Variants in KPTN observed in about 807,000 individuals in gnomAD.
KPTN encodes the protein kaptin, actin binding protein, also known as KICSTOR complex protein kaptin.
Under a neutral mutation model 52.6 loss-of-function variants are expected in KPTN, and 36 were observed. The observed-to-expected ratio is 0.68, with a 90% CI of 0.52 to 0.90. The LOEUF is 0.90. Ranked by LOEUF, KPTN falls within the 40% of genes least tolerant of loss-of-function variation. The pLI, the probability that KPTN is intolerant of heterozygous loss-of-function variation, is 0.00. For missense variants in KPTN, 529 were observed against 576.2 expected (o/e 0.92, Z 0.84); for synonymous variants, 271 against 248.4 (o/e 1.09, Z -0.85).
chr19:47,481,103 T>G, intron 4 of KPTN, 70 bp from the exon 5 acceptor site: 1 of 1,258,052 alleles, frequency 7.9e-7, no homozygotes, highest in Non-Finnish European at 1.1e-6. Flanking sequence ...ACTCTCCTCT[T>G]GCAAAAACCC....
In KPTN at chr19:47,476,687, G is replaced by A. The variant is rs1047204585; in HGVS notation, c.1027C>T (p.Pro343Ser). ...TGGGCCTCAGGAAGCCCCGACTCTG[G>A]GCCCCGGTACTTATAACACAGCAGT... ...QELLCYKYRG[P>S]ESGLPEAQHG... The change falls in exon 11 of 12, where the codon CCA (proline) becomes TCA (serine). Residue 343 changes from proline to serine, a missense_variant. Physicochemically the swap from Pro to Ser is moderately conservative, Grantham distance 74. Coordinates refer to ENST00000338134, the MANE Select transcript of KPTN (RefSeq NM_007059.4). The A allele has an allele frequency of 1.2e-6, 2 of 1,612,536 alleles. No individual in the cohort carries two copies. The highest frequency in any genetic ancestry group is 1.7e-6 in the Non-Finnish European group (2 of 1,179,524).
chr19:47,480,698 C>T (rs1439665219), intron 6 of KPTN, 62 bp downstream of exon 6: 14 of 1,484,898 alleles, frequency 9.4e-6, no homozygotes, highest in Admixed American at 1.7e-5. Flanking sequence ...AAGGTCTCAC[C>T]GCCCGATTTC....
At chr19:47,476,454 T>A in intron 11 of KPTN, 78 bp downstream of exon 11, 1 of 1,183,274 alleles carries the variant, frequency 8.5e-7, no homozygotes, top group Non-Finnish European at 1.1e-6. Flanking sequence ...AGTTCCTCCC[T>A]CCCCCAGGAG....
chr19:47,483,744 T>C lies in KPTN; in HGVS notation c.227-160A>G, dbSNP rs114467706. 26 of 926,840 alleles carry C rather than the reference T, an allele frequency of 2.8e-5. No homozygotes were observed. The African/African-American group carries it at 4.2e-4, about 15-fold the overall frequency. The allele number at this position is 926,840 out of a possible 1,614,324, so 57.4% of individuals were successfully genotyped here. Reference sequence around the variant, plus strand: ...CCTGGGTACTAGGGATCCTGACCTGTAAGTCTGAAGAATCCTGAAACCCTA... The same window carrying C: ...CCTGGGTACTAGGGATCCTGACCTGCAAGTCTGAAGAATCCTGAAACCCTA... On this transcript the variant is annotated intron_variant, in intron 1 of 11. Coordinates refer to ENST00000338134, the MANE Select transcript of KPTN (RefSeq NM_007059.4).
chr19:47,480,209 C>T, intron 7 of KPTN, 89 bp downstream of exon 7: 1 of 590,928 alleles, frequency 1.7e-6, no homozygotes, highest in Non-Finnish European at 2.8e-6. Context: ...TCCTCCCCTA[C>T]CCCACCCAGC....
upstream of KPTN, chr19:47,484,461 G>T (rs1381233293): frequency 2.1e-6 from 1 of 479,920 alleles, no homozygotes. Context: ...GCTGTATGCT[G>T]TGTGGAAGGT....
Position 47,476,759 on chromosome 19 carries a change from G to A in KPTN, c.999+44C>T, listed in dbSNP as rs1481884714. Reference sequence around the variant, plus strand: ...GGTCACACAGGTTGATGGGGGGACAGTGGAGGGAGGCCGGTGGGTGTGGCT... The same window carrying A: ...GGTCACACAGGTTGATGGGGGGACAATGGAGGGAGGCCGGTGGGTGTGGCT... On this transcript the variant is annotated intron_variant, in intron 10 of 11. Coordinates refer to ENST00000338134, the MANE Select transcript of KPTN (RefSeq NM_007059.4). 1.9e-6 allele frequency: 3 copies of A among 1,603,934 alleles called. No individual in the cohort carries two copies. The East Asian group carries it at 6.8e-5, about 36-fold the overall frequency.
rs749166953 is a variant in KPTN, at chr19:47,475,373, C to A, written c.*43G>T. 2.5e-6 allele frequency: 4 copies of A among 1,600,254 alleles called. No homozygotes were observed. The highest frequency in any genetic ancestry group is 3.4e-6 in the Non-Finnish European group (4 of 1,171,924). ...CCACCAGCGGCTGGAGGTGAGCACGCCATGAGTCGCCCCAGGTCTGGGAAG... is the reference window on the plus strand; with the variant it reads ...CCACCAGCGGCTGGAGGTGAGCACGACATGAGTCGCCCCAGGTCTGGGAAG... On this transcript the variant is annotated 3_prime_UTR_variant, in exon 12 of 12. Transcript: ENST00000338134.
At chr19:47,483,715 G>A in intron 1 of KPTN, 131 bp from the exon 2 acceptor site, 1 of 886,552 alleles carries the variant, frequency 1.1e-6, no homozygotes, top group Non-Finnish European at 1.7e-6. Flanking sequence ...CCTGATCTCT[G>A]TTCCCTGGGT....
chr19:47,483,692 C>T (rs1172724115), intron 1 of KPTN, 108 bp from the exon 2 acceptor site: 9 of 939,374 alleles, frequency 9.6e-6, no homozygotes, highest in Non-Finnish European at 1.5e-5. Flanking sequence ...GGTCTGAGTC[C>T]TGACCACCAT....
chr19:47,480,844 C>G lies in KPTN; in HGVS notation c.526-11G>C, dbSNP rs186375869. 7.4e-5 allele frequency: 120 copies of G among 1,613,928 alleles called. No homozygotes were observed. The highest frequency in any genetic ancestry group is 9.4e-5 in the Non-Finnish European group (111 of 1,179,958). On this transcript the variant is annotated splice_polypyrimidine_tract_variant and intron_variant, in intron 5 of 11. Coordinates refer to ENST00000338134, the MANE Select transcript of KPTN (RefSeq NM_007059.4). ...ATGCAGCCCCTCGTTCTGGGGAAAC[C>G]AAGACCCACCCCACCCCCGCTTAAG...
chr19:47,477,841 G>A, intron 8 of KPTN, 60 bp from the exon 9 acceptor site: 3 of 1,233,206 alleles, frequency 2.4e-6, no homozygotes, highest in Non-Finnish European at 2.4e-6. Context: ...GGGTGGATCA[G>A]CTGAGGTCAG....
At chr19:47,476,480 T>C (rs1235788395) in intron 11 of KPTN, 52 bp downstream of exon 11, 1 of 1,473,192 alleles carries the variant, frequency 6.8e-7, no homozygotes. Flanking sequence ...CTGCACCCCC[T>C]GCTCGAAACT....
At chr19:47,475,662 G>T in intron 11 of KPTN, 118 bp from the exon 12 acceptor site, 1 of 1,194,052 alleles carries the variant, frequency 8.4e-7, no homozygotes, top group Non-Finnish European at 1.2e-6. Context: ...TGGGAGGGCA[G>T]AGAGCAGACC....
At chr19:47,477,284 C>T (rs1480332804) in intron 9 of KPTN, among the ~76,000 whole-genome samples, 1 of 152,188 alleles carries the variant, frequency 6.6e-6, no homozygotes, top group Admixed American at 6.5e-5. Flanking sequence ...CTTCACCACC[C>T]CTAGAGGGGT....
At chr19:47,476,458 C>T (rs1246386414) in intron 11 of KPTN, 74 bp downstream of exon 11, 3 of 1,319,382 alleles carry the variant, frequency 2.3e-6, no homozygotes, top group African/African-American at 1.7e-5. Context: ...CCTCCCTCCC[C>T]CAGGAGGAGG....
upstream of KPTN, among the ~76,000 whole-genome samples, chr19:47,485,048 C>T (rs188884978): frequency 3.9e-5 from 6 of 152,232 alleles, no homozygotes; most frequent in East Asian, 1.2e-3. Context: ...TTAATACATT[C>T]TTCTTGCCCC....
chr19:47,480,424 T>TGGACA lies in KPTN; in HGVS notation c.600-22_600-18dup. The TGGACA allele has an allele frequency of 6.6e-7, 1 of 1,523,366 alleles. No homozygotes were observed. 94.4% of individuals were successfully genotyped at this position (1,523,366 alleles called of 1,614,324 possible). A position where few individuals can be genotyped will look rare whatever the true frequency, so the allele number is the denominator to read the frequency against. On this transcript the variant is annotated splice_polypyrimidine_tract_variant and intron_variant, in intron 6 of 11. Coordinates refer to ENST00000338134, the MANE Select transcript of KPTN (RefSeq NM_007059.4). ...CAGAGGACGCTGGCGGGCGGGTGGA[T>TGGACA]GGACAGGACGGACGGCCATTGCTGG...
At position 47,484,118 on chromosome 19, in the gene KPTN, G is replaced by T. The variant is rs375800475; in HGVS notation, c.43C>A (p.Arg15Ser). ...GAGAAGCGCGTGAAGCTGTCCTCGC[G>T]CAACGGACAAGGCCCCGCGGCCACG... Reference protein sequence around the residue: ...AAVAAGPCPLREDSFTRFSSQ... With the variant: ...AAVAAGPCPLSEDSFTRFSSQ... The change falls in exon 1 of 12, where the codon CGC (arginine) becomes AGC (serine). Residue 15 changes from arginine (R) to serine (S), a missense_variant. Coordinates refer to ENST00000338134, the MANE Select transcript of KPTN (RefSeq NM_007059.4). 3.2e-5 allele frequency: 52 copies of T among 1,602,572 alleles called. No homozygotes were observed. In the Middle Eastern group the frequency reaches 9.9e-4, roughly 31 times the overall value.
Sources: allele counts gnomAD v4.1 joint callset (sites outside exome capture counted in the v4.1 genomes callset), GRCh38; gene constraint gnomAD v4.1.1; transcripts MANE v1.5; gene names NCBI Gene and HGNC (gene_info 2026-07-23, HGNC 2026-07-21).